PALLD: variants seen among roughly 807,000 people sequenced by gnomAD.
The protein encoded by PALLD is palladin, cytoskeletal associated protein.
In PALLD, 61 loss-of-function variants were observed where a neutral mutation model predicts 123.5. That is an observed-to-expected ratio of 0.49 (90% CI 0.40 to 0.61). The LOEUF (loss-of-function observed/expected upper bound fraction) is 0.61. Among genes scored for constraint, PALLD ranks in the 20% least tolerant of loss-of-function variants. The probability of loss-of-function intolerance (pLI) is 0.00; values close to 1 mark genes in which losing one functional copy is unlikely to be tolerated. For missense variants in PALLD, 1,273 were observed against 1,377.0 expected, an observed-to-expected ratio of 0.92 and a Z score of 1.20; for synonymous variants, 465 against 496.4, an observed-to-expected ratio of 0.94 and a Z score of 0.84.
At chr4:168,637,665 C>T (rs1038988148) in intron 2 of PALLD, among the ~76,000 whole-genome samples, 1 of 152,074 alleles carries the variant, frequency 6.6e-6, no homozygotes, top group Admixed American at 6.5e-5. Flanking sequence ...GAGGATTAGC[C>T]AGGCGCAGTG....
chr4:168,774,718 A>G (rs1440475229), intron 10 of PALLD, among the ~76,000 whole-genome samples: 1 of 116,290 alleles, frequency 8.6e-6, no homozygotes, highest in African/African-American at 3.9e-5. Context: ...ACAGAGCAAG[A>G]CTGCATCTCA....
In PALLD at chr4:168,927,382, GTGTGGAGCACACATGC is replaced by G. The variant is rs377756289; in HGVS notation, c.*1226_*1241del. On this transcript the variant is annotated 3_prime_UTR_variant, in exon 22 of 22. Transcript: ENST00000505667. ...TCAAGGAACCCAGGGCCAGCTGGAA[GTGTGGAGCACACATGC>G]TGTGGAGCACACATGCTGTGGAGAT... The G allele has an allele frequency of 0.01, 2,337 of 232,860 alleles. 52 individuals carry two copies. Among genetic ancestry groups the G allele is most frequent in the African/African-American group, 0.041 (1,848 of 45,412 alleles). The allele number at this position is 232,860 out of a possible 1,614,324, so 14.4% of individuals were successfully genotyped here.
intron 10 of PALLD, among the ~76,000 whole-genome samples, chr4:168,764,252 C>G (rs1369270501): frequency 6.6e-6 from 1 of 151,930 alleles, no homozygotes. Context: ...TGTTACTTGA[C>G]CTGAGAGAAC....
intron 10 of PALLD, among the ~76,000 whole-genome samples, chr4:168,791,998 G>T (rs1228005559): frequency 6.6e-6 from 1 of 152,146 alleles, no homozygotes; most frequent in African/African-American, 2.4e-5. Flanking sequence ...GTACTGAACA[G>T]TCATTCCTAT....
At chr4:168,698,296 A>G (rs6838227) in intron 8 of PALLD, among the ~76,000 whole-genome samples, 3,993 of 152,322 alleles carry the variant, frequency 0.026, 182 homozygotes, top group African/African-American at 0.091. Context: ...TTGATAGCAC[A>G]ACAGGGTGAC....
At chr4:168,857,022 T>C (rs576797364) in intron 10 of PALLD, among the ~76,000 whole-genome samples, 14 of 152,340 alleles carry the variant, frequency 9.2e-5, no homozygotes, top group African/African-American at 3.4e-4. Context: ...ACATAAATGT[T>C]AGAAAAGTTC....
chr4:168,568,798 T>C (rs1768672977), intron 2 of PALLD, among the ~76,000 whole-genome samples: 1 of 150,640 alleles, frequency 6.6e-6, no homozygotes, highest in African/African-American at 2.4e-5. Flanking sequence ...ATATATAATA[T>C]ATGTATTCTA....
At chr4:168,818,356 G>A (rs1221039966) in intron 10 of PALLD, among the ~76,000 whole-genome samples, 1 of 152,104 alleles carries the variant, frequency 6.6e-6, no homozygotes, top group Admixed American at 6.5e-5. Flanking sequence ...CCAGCACTTT[G>A]GGAGGCTGAG....
intron 10 of PALLD, among the ~76,000 whole-genome samples, chr4:168,747,613 A>G (rs1008421506): frequency 6.6e-6 from 1 of 152,180 alleles, no homozygotes. Context: ...GTTTGTAGAG[A>G]AAGAGACCCA....
rs115589295 is a variant in PALLD, at chr4:168,737,370, G to A, written c.1964+25447G>A. On this transcript the variant is annotated intron_variant, in intron 10 of 21. Coordinates refer to ENST00000505667, the MANE Select transcript of PALLD (RefSeq NM_001166108.2). Reference sequence around the variant, plus strand: ...GCCAGATGGAGAAGACATCTGTAGAGTAAGAAACTAAAGAAAACACACTTC... The same window carrying A: ...GCCAGATGGAGAAGACATCTGTAGAATAAGAAACTAAAGAAAACACACTTC... Among the ~76,000 whole-genome samples the A allele has an allele frequency of 4.9e-3, 745 of 152,220 alleles. 7 individuals are homozygous for A. Among genetic ancestry groups the A allele is most frequent in the African/African-American group, 0.017 (711 of 41,538 alleles).
chr4:168,806,813 T>A (rs1394883697), intron 10 of PALLD, among the ~76,000 whole-genome samples: 1 of 152,218 alleles, frequency 6.6e-6, no homozygotes, highest in Non-Finnish European at 1.5e-5. Flanking sequence ...ATATTTGTTC[T>A]TATTTTCCTG....
intron 5 of PALLD, 108 bp from the exon 6 acceptor site, chr4:168,685,377 C>A: frequency 2.6e-6 from 2 of 781,580 alleles, no homozygotes; most frequent in South Asian, 1.3e-5. Flanking sequence ...TACTTTCATT[C>A]ACTCATTTCC....
intron 2 of PALLD, among the ~76,000 whole-genome samples, chr4:168,543,894 A>C (rs1765887063): frequency 6.6e-6 from 1 of 152,274 alleles, no homozygotes; most frequent in Non-Finnish European, 1.5e-5. Context: ...TTGCTCACTC[A>C]TTAAAAATGT....
At chr4:168,695,935 A>G (rs1199784858) in intron 8 of PALLD, among the ~76,000 whole-genome samples, 2 of 152,178 alleles carry the variant, frequency 1.3e-5, no homozygotes, top group Non-Finnish European at 2.9e-5. Context: ...TTTACTCTCT[A>G]GAGGAGGAGT....
At chr4:168,708,672 C>G (rs528076992) in intron 8 of PALLD, among the ~76,000 whole-genome samples, 1 of 152,264 alleles carries the variant, frequency 6.6e-6, no homozygotes, top group Non-Finnish European at 1.5e-5. Context: ...AGAAAGAACT[C>G]TGACATGCAA....
At chr4:168,529,006 G>T (rs369548793) in intron 2 of PALLD, among the ~76,000 whole-genome samples, 1 of 152,170 alleles carries the variant, frequency 6.6e-6, no homozygotes, top group Non-Finnish European at 1.5e-5. Context: ...ATCCAGATCA[G>T]TGGAAAGGAG....
At chr4:168,498,158 CT>C (rs763360289) in intron 1 of PALLD, among the ~76,000 whole-genome samples, 1 of 152,068 alleles carries the variant, frequency 6.6e-6, no homozygotes, top group Non-Finnish European at 1.5e-5. Flanking sequence ...ATCAAAGTCT[CT>C]TTGACAAGTT....
chr4:168,534,063 G>A (rs1004477288), intron 2 of PALLD, among the ~76,000 whole-genome samples: 1 of 152,070 alleles, frequency 6.6e-6, no homozygotes. Flanking sequence ...ATTACCAAGG[G>A]GCTTTTAACA....
Position 168,507,304 on chromosome 4 carries a change from T to C in PALLD, c.-82-4119T>C, listed in dbSNP as rs1417954092. On this transcript the variant is annotated intron_variant, in intron 1 of 21. Transcript: ENST00000505667. ...GCCTTTAATCAATTACCAAGTTCTT[T>C]CCTTTCTATCATCTATCTTATGGAC... 3.4e-5 allele frequency: 6 copies of C among 177,202 alleles called. 1 individual carries two copies. In the East Asian group the frequency reaches 5.8e-4, roughly 17 times the overall value. The allele number at this position is 177,202 out of a possible 1,614,324, so 11.0% of individuals were successfully genotyped here.
Sources: gnomAD v4.1 joint callset for allele counts (sites outside exome capture counted in the v4.1 genomes callset) on GRCh38, gnomAD v4.1.1 for gene constraint, MANE v1.5 for transcripts, NCBI Gene and HGNC (gene_info 2026-07-23, HGNC 2026-07-21) for gene names.